CCND1: variants seen among roughly 807,000 people sequenced by gnomAD.
The protein encoded by CCND1 is G1/S-specific cyclin-D1.
Under a neutral mutation model 26.1 loss-of-function variants are expected in CCND1, and 9 were observed. The observed-to-expected ratio is 0.35, with a 90% CI of 0.21 to 0.60. The LOEUF is 0.60. CCND1 is among the 20% of genes least tolerant of loss of function. CCND1 has a pLI of 0.79. For synonymous variants in CCND1, 194 were observed against 166.1 expected, an observed-to-expected ratio of 1.17 and a Z score of -1.29; for missense variants, 335 against 392.9, an observed-to-expected ratio of 0.85 and a Z score of 1.25.
rs1378636232 is a variant in CCND1, at chr11:69,641,343, G to A, written c.30G>A (p.Val10=). The change falls in exon 1 of 5, where the codon GTG becomes GTA. Residue 10 remains valine (V), a synonymous_variant. Transcript: ENST00000227507. ...AACACCAGCTCCTGTGCTGCGAAGT[G>A]GAAACCATCCGCCGCGCGTACCCCG... The part of the protein sequence containing the change: MEHQLLCCE[V]ETIRRAYPDA... The A allele has an allele frequency of 6.2e-7, 1 of 1,612,962 alleles. No individual in the cohort carries two copies.
rs3212877 is a variant in CCND1, at chr11:69,647,434, C to A, written c.575-560C>A. 3.7e-3 allele frequency among the ~76,000 whole-genome samples: 568 copies of A among 151,638 alleles called. 5 individuals carry two copies. The highest frequency in any genetic ancestry group is 0.013 in the African/African-American group (541 of 41,276). On this transcript the variant is annotated intron_variant, in intron 3 of 4. Coordinates refer to ENST00000227507, the MANE Select transcript of CCND1 (RefSeq NM_053056.3). ...GAAGGCTGCCGGCCAGGGCTTACCC[C>A]TCAAGGGACACGGAATGGCTTCATC...
In CCND1 at chr11:69,654,238, G is replaced by GCA. The variant is rs1855898416; in HGVS notation, c.*2959_*2960dup. On this transcript the variant is annotated 3_prime_UTR_variant, in exon 5 of 5. Transcript: ENST00000227507. This position sits in a 1 kb window ranked among gnomAD's most constrained non-coding sequence, Gnocchi z 6.3. The stretch of plus-strand genomic sequence containing the variant: ...CTTTGTCTGTCGTGATGGGGCAAGG[G>GCA]CACAAGTCCTGGATGTTGTGTGTAT... The GCA allele has an allele frequency of 1.4e-6, 1 of 702,466 alleles. No homozygotes were observed. Among genetic ancestry groups the GCA allele is most frequent in the Non-Finnish European group, 2.6e-6 (1 of 385,022 alleles). The allele number at this position is 702,466 out of a possible 1,614,324, so 43.5% of individuals were successfully genotyped here.
In CCND1 at chr11:69,653,419, G is replaced by GTTTTT; in HGVS notation, c.*2147_*2151dup. ...TTGTATTACAGATGCCTTTTTTGTA[G>GTTTTT]TTTTTTTTTTTTTTATGTGATCAAT... On this transcript the variant is annotated 3_prime_UTR_variant, in exon 5 of 5. Coordinates refer to ENST00000227507, the MANE Select transcript of CCND1 (RefSeq NM_053056.3). 18 of 560,448 alleles carry GTTTTT rather than the reference G, an allele frequency of 3.2e-5. No individual in the cohort carries two copies. The highest frequency in any genetic ancestry group is 6.4e-5 in the South Asian group (3 of 46,980). 34.7% of individuals were successfully genotyped at this position (560,448 alleles called of 1,614,324 possible).
At position 69,654,189 on chromosome 11, in the gene CCND1, A is replaced by G; in HGVS notation, c.*2907A>G. On this transcript the variant is annotated 3_prime_UTR_variant, in exon 5 of 5. Transcript: ENST00000227507. This position sits in a 1 kb window ranked among gnomAD's most constrained non-coding sequence, Gnocchi z 6.3. ...CATCCTGGCTGCGGCGTCTGTCTGA[A>G]CCACGCGGGGGCCTTGAGGGACGCT... The G allele has an allele frequency of 1.4e-6, 1 of 702,032 alleles. No homozygotes were observed. The highest frequency in any genetic ancestry group is 2.6e-6 in the Non-Finnish European group (1 of 384,868). The allele number at this position is 702,032 out of a possible 1,614,324, so 43.5% of individuals were successfully genotyped here.
chr11:69,648,033 CG>C lies in CCND1; in HGVS notation c.618del (p.Ser207AlafsTer9). ...FISNPPSMVA[A>X]GSVVAAVQGL... ...TCCAATCCGCCCTCCATGGTGGCAG[CG>C]GGGAGCGTGGTGGCCGCAGTGCAAG... On this transcript the variant is annotated frameshift_variant, in exon 4 of 5. Transcript: ENST00000227507. LOFTEE classifies it high-confidence loss of function. 1 of 1,613,956 alleles carries C rather than the reference CG, an allele frequency of 6.2e-7. No homozygotes were observed. Among genetic ancestry groups the C allele is most frequent in the Non-Finnish European group, 8.5e-7 (1 of 1,180,008 alleles).
At chr11:69,642,955 G>A in intron 1 of CCND1, 76 bp from the exon 2 acceptor site, 2 of 1,142,818 alleles carry the variant, frequency 1.8e-6, no homozygotes, top group South Asian at 1.9e-5. Flanking sequence ...CCTGCCAAGC[G>A]CGATGGGGGG....
chr11:69,652,644 T>A lies in CCND1; in HGVS notation c.*1362T>A, dbSNP rs1198051948. 6 of 233,180 alleles carry A rather than the reference T, an allele frequency of 2.6e-5. No individual in the cohort carries two copies. The East Asian group carries it at 3.6e-4, about 14-fold the overall frequency. The allele number at this position is 233,180 out of a possible 1,614,324, so 14.4% of individuals were successfully genotyped here. ...TGGTTTTTAAGGGTTATCTTAGATG[T>A]TTCACACCGGAAGGTTTTTAAACAC... On this transcript the variant is annotated 3_prime_UTR_variant, in exon 5 of 5. Transcript: ENST00000227507.
In CCND1 at chr11:69,652,766, T is replaced by G. The variant is rs1425157811; in HGVS notation, c.*1484T>G. 1 of 187,814 alleles carries G rather than the reference T, an allele frequency of 5.3e-6. No homozygotes were observed. Among genetic ancestry groups the G allele is most frequent in the African/African-American group, 3.0e-5 (1 of 33,272 alleles). The allele number at this position is 187,814 out of a possible 1,614,324, so 11.6% of individuals were successfully genotyped here. ...TTTATAAATGCAATCTCCCCTTGAT[T>G]TAAACACACAGATACACACACACAC... On this transcript the variant is annotated 3_prime_UTR_variant, in exon 5 of 5. Coordinates refer to ENST00000227507, the MANE Select transcript of CCND1 (RefSeq NM_053056.3).
At chr11:69,642,364 T>TA (rs2120085014) in intron 1 of CCND1, among the ~76,000 whole-genome samples, 1 of 151,976 alleles carries the variant, frequency 6.6e-6, no homozygotes, top group African/African-American at 2.4e-5. Context: ...GCAAGTATTT[T>TA]AAAATAATTT....
rs952846108 is a variant in CCND1, at chr11:69,647,254, G to A, written c.575-740G>A. Among the ~76,000 whole-genome samples, 5 of 151,368 alleles carry A rather than the reference G, an allele frequency of 3.3e-5. No individual in the cohort carries two copies. In the South Asian group the frequency reaches 6.3e-4, roughly 19 times the overall value. ...GTGAGTAGAGGGCCCGGGTGGAGTTGGGGTGTACTTGGTCTGTGCTCTGAA... is the reference window on the plus strand; with the variant it reads ...GTGAGTAGAGGGCCCGGGTGGAGTTAGGGTGTACTTGGTCTGTGCTCTGAA... On this transcript the variant is annotated intron_variant, in intron 3 of 4. Coordinates refer to ENST00000227507, the MANE Select transcript of CCND1 (RefSeq NM_053056.3).
chr11:69,653,077 T>C lies in CCND1; in HGVS notation c.*1795T>C, dbSNP rs767197346. ...ATAGACAATTTGCACATCTTGGCTA[T>C]GTAATTCTTGTAATTTTTATTTAGG... On this transcript the variant is annotated 3_prime_UTR_variant, in exon 5 of 5. Transcript: ENST00000227507. The C allele has an allele frequency of 1.1e-5, 6 of 538,020 alleles. No homozygotes were observed. Among genetic ancestry groups the C allele is most frequent in the Admixed American group, 3.7e-5 (1 of 26,996 alleles). The allele number at this position is 538,020 out of a possible 1,614,324, so 33.3% of individuals were successfully genotyped here.
Position 69,651,312 on chromosome 11 carries a change from C to T in CCND1, c.*30C>T. 1 of 1,439,114 alleles carries T rather than the reference C, an allele frequency of 6.9e-7. No homozygotes were observed. Among genetic ancestry groups the T allele is most frequent in the Non-Finnish European group, 9.2e-7 (1 of 1,092,330 alleles). 89.1% of individuals were successfully genotyped at this position (1,439,114 alleles called of 1,614,324 possible). Reference sequence around the variant, plus strand: ...GCCAGGCAGGCGGGCGCCACCGCCACCCGCAGCGAGGGCGGAGCCGGCCCC... The same window carrying T: ...GCCAGGCAGGCGGGCGCCACCGCCATCCGCAGCGAGGGCGGAGCCGGCCCC... On this transcript the variant is annotated 3_prime_UTR_variant, in exon 5 of 5. Transcript: ENST00000227507.
chr11:69,650,688 A>C (rs1855842986), intron 4 of CCND1, among the ~76,000 whole-genome samples: 1 of 152,222 alleles, frequency 6.6e-6, no homozygotes, highest in African/African-American at 2.4e-5. Context: ...GTTCACCTCA[A>C]GGGCTGCCAC....
chr11:69,642,888 C>A, intron 1 of CCND1, 143 bp from the exon 2 acceptor site: 1 of 449,926 alleles, frequency 2.2e-6, no homozygotes, highest in Non-Finnish European at 3.7e-6. Context: ...GGGCGCATCA[C>A]GGGAAGCTCC....
In CCND1 at chr11:69,651,321, A is replaced by C; in HGVS notation, c.*39A>C. The C allele has an allele frequency of 7.0e-7, 1 of 1,422,214 alleles. No homozygotes were observed. The highest frequency in any genetic ancestry group is 9.2e-7 in the Non-Finnish European group (1 of 1,083,610). 88.1% of individuals were successfully genotyped at this position (1,422,214 alleles called of 1,614,324 possible). A position where few individuals can be genotyped will look rare whatever the true frequency, so the allele number is the denominator to read the frequency against. ...GCGGGCGCCACCGCCACCCGCAGCG[A>C]GGGCGGAGCCGGCCCCAGGTGCTCC... On this transcript the variant is annotated 3_prime_UTR_variant, in exon 5 of 5. Coordinates refer to ENST00000227507, the MANE Select transcript of CCND1 (RefSeq NM_053056.3).
chr11:69,644,106 C>G (rs758349761), intron 3 of CCND1, 115 bp downstream of exon 3: 5 of 1,008,826 alleles, frequency 5.0e-6, no homozygotes, highest in Non-Finnish European at 4.6e-6. Context: ...CCCAGACCCC[C>G]TCCTGCGCTG....
At position 69,643,817 on chromosome 11, in the gene CCND1, A is replaced by G. The variant is rs768763969; in HGVS notation, c.415-15A>G. ...CCCGCACCTCCCCTGATGGCCGCTC[A>G]CCCTGTGTTCGCAGCAAATGGAGCT... On this transcript the variant is annotated splice_polypyrimidine_tract_variant and intron_variant, in intron 2 of 4. Transcript: ENST00000227507. The G allele has an allele frequency of 3.1e-6, 5 of 1,596,912 alleles. No homozygotes were observed. The East Asian group carries it at 1.1e-4, about 36-fold the overall frequency.
chr11:69,644,036 T>C lies in CCND1; in HGVS notation c.574+45T>C, dbSNP rs1015139408. 3.8e-6 allele frequency: 6 copies of C among 1,597,902 alleles called. No individual in the cohort carries two copies. The Admixed American group carries it at 8.4e-5, about 22-fold the overall frequency. The stretch of plus-strand genomic sequence containing the variant: ...CCCCGGCCTCCCCTTGAGAGCCGGC[T>C]CCTTAGGTGACCCTGGCCGGCTTCT... On this transcript the variant is annotated intron_variant, in intron 3 of 4. Transcript: ENST00000227507.
chr11:69,643,259 C>CCCCGCCG lies in CCND1; in HGVS notation c.414+17_414+23dup, dbSNP rs1028893771. ...CGAGGAGCTGCTGGTAACCACTGGA[C>CCCCGCCG]CCCGCCGCCCCCCGCCCCCCGCGAG... On this transcript the variant is annotated intron_variant, in intron 2 of 4. Transcript: ENST00000227507. 10 of 1,531,356 alleles carry CCCCGCCG rather than the reference C, an allele frequency of 6.5e-6. No homozygotes were observed. The highest frequency in any genetic ancestry group is 1.9e-4 in the Middle Eastern group (1 of 5,360). The allele number at this position is 1,531,356 out of a possible 1,614,324, so 94.9% of individuals were successfully genotyped here.
Sources: gnomAD v4.1 joint callset for allele counts (sites outside exome capture counted in the v4.1 genomes callset) on GRCh38, gnomAD v4.1.1 for gene constraint, Gnocchi (gnomAD v3.1) non-coding constraint, MANE v1.5 for transcripts, NCBI Gene and HGNC (gene_info 2026-07-23, HGNC 2026-07-21) for gene names.